SH2D4A: variants seen among roughly 807,000 people sequenced by gnomAD.
The protein encoded by SH2D4A is SH2 domain containing 4A, also known as SH2 domain-containing protein 4A.
Under a neutral mutation model 64.7 loss-of-function variants are expected in SH2D4A, and 70 were observed. The ratio of observed to expected loss-of-function variants is 1.08; its 90% CI spans 0.89 to 1.32. SH2D4A has a LOEUF of 1.32. Ranked by LOEUF, SH2D4A falls within the 40% of genes most tolerant of loss-of-function variation. SH2D4A has a pLI of 0.00. For synonymous variants in SH2D4A, 268 were observed against 200.7 expected, an observed-to-expected ratio of 1.34 and a Z score of -2.83; for missense variants, 706 against 540.1, an observed-to-expected ratio of 1.31 and a Z score of -3.04.
At chr8:19,323,838 A>G (rs1325161808) in intron 2 of SH2D4A, among the ~76,000 whole-genome samples, 1 of 152,224 alleles carries the variant, frequency 6.6e-6, no homozygotes, top group Non-Finnish European at 1.5e-5. Flanking sequence ...CTCACTAAAT[A>G]ATCACAGCTA....
intron 6 of SH2D4A, among the ~76,000 whole-genome samples, chr8:19,363,624 A>G (rs941755740): frequency 6.6e-6 from 1 of 152,098 alleles, no homozygotes; most frequent in African/African-American, 2.4e-5. Context: ...GCACAGCCCC[A>G]TGCCACTGAG....
chr8:19,349,145 G>A (rs1316879156), intron 4 of SH2D4A, among the ~76,000 whole-genome samples: 1 of 152,166 alleles, frequency 6.6e-6, no homozygotes, highest in Non-Finnish European at 1.5e-5. Flanking sequence ...TATAATTTTT[G>A]TGAGAAATAA....
At chr8:19,353,685 T>G (rs891005829) in intron 4 of SH2D4A, among the ~76,000 whole-genome samples, 3 of 137,576 alleles carry the variant, frequency 2.2e-5, no homozygotes, top group Non-Finnish European at 1.7e-5. Flanking sequence ...TTTTTTTTTT[T>G]TTTTTTTTTT....
chr8:19,315,958 G>C (rs1003719911), intron 1 of SH2D4A, among the ~76,000 whole-genome samples: 1 of 152,236 alleles, frequency 6.6e-6, no homozygotes, highest in Admixed American at 6.5e-5. Flanking sequence ...TGAGTCCCAA[G>C]GAGGTGAGGT....
intron 4 of SH2D4A, among the ~76,000 whole-genome samples, chr8:19,351,688 A>G (rs952366265): frequency 5.3e-5 from 8 of 152,190 alleles, no homozygotes; most frequent in Non-Finnish European, 1.0e-4. Flanking sequence ...CATCTTTACC[A>G]TAAAAATTGA....
chr8:19,334,434 G>A (rs1254410298), intron 3 of SH2D4A, among the ~76,000 whole-genome samples: 2 of 152,156 alleles, frequency 1.3e-5, no homozygotes, highest in Non-Finnish European at 2.9e-5. Context: ...CCACTATGTG[G>A]TCTTGGATGA....
rs2052807980 is a variant in SH2D4A, at chr8:19,357,268, A to C, written c.579A>C (p.Ala193=). Residue 193 remains alanine, a synonymous_variant, in exon 5 of 10, where the codon GCA becomes GCC. Transcript: ENST00000265807. ...CAGATTCAATCAATCGTATGAAGGC[A>C]TATGCATTTCACCAGGTAAAAGACT... is the stretch of plus-strand genomic sequence containing the variant. ...MLADSINRMK[A]YAFHQKKESM... is the part of the protein sequence containing the mutation. 1 of 1,613,578 alleles carries C rather than the reference A, an allele frequency of 6.2e-7. No homozygotes were observed. Among genetic ancestry groups the C allele is most frequent in the Non-Finnish European group, 8.5e-7 (1 of 1,179,450 alleles).
intron 1 of SH2D4A, among the ~76,000 whole-genome samples, chr8:19,317,394 G>A (rs573616549): frequency 5.3e-5 from 8 of 150,720 alleles, no homozygotes; most frequent in East Asian, 3.9e-4. Context: ...TGGGAAGGGC[G>A]TGATATTACT....
intron 4 of SH2D4A, among the ~76,000 whole-genome samples, chr8:19,349,860 C>G (rs1030643633): frequency 6.6e-6 from 1 of 152,170 alleles, no homozygotes; most frequent in Non-Finnish European, 1.5e-5. Context: ...CCCATCACCA[C>G]GCCCAGCTAA....
At chr8:19,391,712 A>G (rs551046335) in intron 8 of SH2D4A, among the ~76,000 whole-genome samples, 11 of 152,328 alleles carry the variant, frequency 7.2e-5, no homozygotes, top group African/African-American at 2.6e-4. Context: ...AAAACAGACA[A>G]TTTTTAAAAT....
intron 8 of SH2D4A, among the ~76,000 whole-genome samples, chr8:19,384,793 A>C (rs534846872): frequency 6.6e-6 from 1 of 152,328 alleles, no homozygotes; most frequent in East Asian, 1.9e-4. Context: ...CCAGAAACCC[A>C]CAGGTTCATT....
chr8:19,339,471 A>C (rs1289055086), intron 4 of SH2D4A, among the ~76,000 whole-genome samples: 1 of 147,826 alleles, frequency 6.8e-6, no homozygotes, highest in Admixed American at 6.8e-5. Context: ...TAGTTAGCTC[A>C]CTTTCCTCTT....
intron 3 of SH2D4A, among the ~76,000 whole-genome samples, chr8:19,333,835 G>A (rs968739323): frequency 6.6e-6 from 1 of 152,152 alleles, no homozygotes; most frequent in African/African-American, 2.4e-5. Flanking sequence ...GCTACAGAAG[G>A]CCAGGAAGGA....
chr8:19,390,110 C>T (rs2053465481), intron 8 of SH2D4A, among the ~76,000 whole-genome samples: 1 of 152,058 alleles, frequency 6.6e-6, no homozygotes, highest in Non-Finnish European at 1.5e-5. Flanking sequence ...TGGCTCACGC[C>T]TATCATCCCA....
chr8:19,349,114 T>A (rs2052657879), intron 4 of SH2D4A, among the ~76,000 whole-genome samples: 1 of 152,208 alleles, frequency 6.6e-6, no homozygotes, highest in South Asian at 2.1e-4. Context: ...CATTCTAGTA[T>A]ACATGAAGGA....
chr8:19,354,165 TA>T (rs2052753957), intron 4 of SH2D4A, among the ~76,000 whole-genome samples: 1 of 152,032 alleles, frequency 6.6e-6, no homozygotes, highest in Non-Finnish European at 1.5e-5. Flanking sequence ...CCATGCCAGC[TA>T]ATTTTTGTAT....
At chr8:19,371,504 GTC>G (rs897422370) in intron 7 of SH2D4A, among the ~76,000 whole-genome samples, 7 of 151,948 alleles carry the variant, frequency 4.6e-5, no homozygotes, top group Non-Finnish European at 5.9e-5. Context: ...TCCTCTATTT[GTC>G]TCTGCACTCT....
chr8:19,362,045 T>C (rs925732344), intron 6 of SH2D4A, among the ~76,000 whole-genome samples: 1 of 152,216 alleles, frequency 6.6e-6, no homozygotes, highest in Non-Finnish European at 1.5e-5. Flanking sequence ...AAAGAATTAG[T>C]GTTTCCATCT....
intron 8 of SH2D4A, among the ~76,000 whole-genome samples, chr8:19,386,404 A>G (rs957854470): frequency 4.6e-5 from 7 of 152,226 alleles, no homozygotes; most frequent in Non-Finnish European, 8.8e-5. Flanking sequence ...CTTCCTGCAA[A>G]AATGTCACTG....
Sources: allele counts gnomAD v4.1 joint callset (sites outside exome capture counted in the v4.1 genomes callset), GRCh38; gene constraint gnomAD v4.1.1; transcripts MANE v1.5; gene names NCBI Gene and HGNC (gene_info 2026-07-23, HGNC 2026-07-21).